Variants in PPFIA2 observed in about 807,000 individuals in gnomAD.
The protein encoded by PPFIA2 is liprin-alpha-2.
In PPFIA2, 46 loss-of-function variants were observed where a neutral mutation model predicts 175.5. That is an observed-to-expected ratio of 0.26 (90% CI 0.21 to 0.34). PPFIA2 has a LOEUF of 0.34. PPFIA2 is among the 10% of genes least tolerant of loss of function. PPFIA2 has a pLI of 1.00. For synonymous variants in PPFIA2, 568 were observed against 511.4 expected, an observed-to-expected ratio of 1.11 and a Z score of -1.49; for missense variants, 1,179 against 1,506.1, an observed-to-expected ratio of 0.78 and a Z score of 3.60.
chr12:81,611,908 G>A (rs118182876), intron 4 of PPFIA2, among the ~76,000 whole-genome samples: 14,333 of 152,104 alleles, frequency 0.094, 851 homozygotes, highest in South Asian at 0.16. Context: ...GGTCCATGGG[G>A]AGACTGAACC....
intron 3 of PPFIA2, among the ~76,000 whole-genome samples, chr12:81,692,305 C>G (rs2075349687): frequency 6.6e-6 from 1 of 152,058 alleles, no homozygotes; most frequent in Non-Finnish European, 1.5e-5. Flanking sequence ...GATGTCAGCC[C>G]TAGCTGATAC....
chr12:81,458,564 CA>C (rs2053988653), intron 4 of PPFIA2, among the ~76,000 whole-genome samples: 2 of 151,936 alleles, frequency 1.3e-5, no homozygotes, highest in African/African-American at 2.4e-5. Context: ...CATATTGTTA[CA>C]AAAAAATTGG....
intron 32 of PPFIA2, chr12:81,260,412 TTAAA>T (rs902286464): frequency 1.3e-5 from 2 of 152,186 alleles, no homozygotes; most frequent in Admixed American, 6.5e-5. Flanking sequence ...ATTGAACATA[TTAAA>T]TAGTCATTTG....
At chr12:81,349,973 A>G (rs1257316803) in intron 17 of PPFIA2, among the ~76,000 whole-genome samples, 1 of 152,194 alleles carries the variant, frequency 6.6e-6, no homozygotes, top group Non-Finnish European at 1.5e-5. Context: ...GGTTTGAATC[A>G]AGATGACTAT....
intron 7 of PPFIA2, among the ~76,000 whole-genome samples, chr12:81,422,706 A>G (rs2046488958): frequency 1.3e-5 from 2 of 152,032 alleles, no homozygotes; most frequent in East Asian, 1.9e-4. Context: ...ACCTACCCCC[A>G]TGATAAAATT....
At position 81,367,115 on chromosome 12, in the gene PPFIA2, T is replaced by C; in HGVS notation, c.1538A>G (p.His513Arg). The C allele has an allele frequency of 6.9e-7, 1 of 1,449,622 alleles. No individual in the cohort carries two copies. The highest frequency in any genetic ancestry group is 9.1e-7 in the Non-Finnish European group (1 of 1,094,472). The allele number at this position is 1,449,622 out of a possible 1,614,324, so 89.8% of individuals were successfully genotyped here. A position where few individuals can be genotyped will look rare whatever the true frequency, so the allele number is the denominator to read the frequency against. Residue 513 changes from histidine to arginine, a missense_variant, in exon 14 of 33, where the codon CAT becomes CGT. His to Arg is a conservative substitution (Grantham distance 29, BLOSUM62 0). Around this residue, in one of 10 missense-constraint regions of PPFIA2, gnomAD observed 186 missense variants for 163.6 expected, o/e 1.14. Coordinates refer to ENST00000549396, the MANE Select transcript of PPFIA2 (RefSeq NM_003625.5). ...TFRKNLEESL[H>R]DKERLAEEIE... is the part of the protein sequence containing the mutation. Reference sequence around the variant, plus strand: ...CATAAGTTTCCATTATACCTTATCATGTAAAGATTCTTCAAGATTCTTTCT... The same window carrying C: ...CATAAGTTTCCATTATACCTTATCACGTAAAGATTCTTCAAGATTCTTTCT...
chr12:81,282,987 C>A, intron 26 of PPFIA2, 23 bp downstream of exon 26: 1 of 1,601,948 alleles, frequency 6.2e-7, no homozygotes, highest in African/African-American at 1.3e-5. Flanking sequence ...TATTAAGGGT[C>A]TTAAAGCATA....
chr12:81,727,657 T>C (rs1247098131), intron 3 of PPFIA2, among the ~76,000 whole-genome samples: 1 of 151,356 alleles, frequency 6.6e-6, no homozygotes, highest in Admixed American at 6.6e-5. Context: ...TTTGAGAGGC[T>C]GTGGTTTATA....
intron 3 of PPFIA2, among the ~76,000 whole-genome samples, chr12:81,716,030 C>T (rs190120923): frequency 1.3e-5 from 2 of 151,430 alleles, no homozygotes; most frequent in Non-Finnish European, 3.0e-5. Context: ...AAATTAATAA[C>T]ATGTAATATT....
intron 4 of PPFIA2, among the ~76,000 whole-genome samples, chr12:81,590,839 C>T (rs932459596): frequency 6.6e-6 from 1 of 152,138 alleles, no homozygotes; most frequent in Non-Finnish European, 1.5e-5. Context: ...TTTTTCTTCC[C>T]AGTCTTGGGT....
At position 81,754,166 on chromosome 12, in the gene PPFIA2, C is replaced by G; in HGVS notation, c.56G>C (p.Gly19Ala). The stretch of plus-strand genomic sequence containing the variant: ...TGAGTCCGAGCCACTGCTTTGGGAC[C>G]CCCTTTGGCTCATTGGGGTGTCCTC... ...INEDTPMSQR[G>A]SQSSGSDSDS... Residue 19 changes from glycine to alanine, a missense_variant, in exon 3 of 33, where the codon GGG becomes GCG. Coordinates refer to ENST00000549396, the MANE Select transcript of PPFIA2 (RefSeq NM_003625.5). The G allele has an allele frequency of 6.2e-7, 1 of 1,612,150 alleles. No individual in the cohort carries two copies. The highest frequency in any genetic ancestry group is 8.5e-7 in the Non-Finnish European group (1 of 1,179,070).
chr12:81,355,557 G>A (rs775250251), intron 16 of PPFIA2, among the ~76,000 whole-genome samples: 5 of 152,130 alleles, frequency 3.3e-5, no homozygotes, highest in Non-Finnish European at 5.9e-5. Flanking sequence ...ATGGAAGGTG[G>A]TTTCATCTAC....
At chr12:81,487,826 G>C (rs1484217961) in intron 4 of PPFIA2, among the ~76,000 whole-genome samples, 3 of 151,800 alleles carry the variant, frequency 2.0e-5, no homozygotes, top group Non-Finnish European at 2.9e-5. Flanking sequence ...AAACTATATG[G>C]AAAGAATAAT....
At chr12:81,640,857 C>T (rs548500636) in intron 4 of PPFIA2, among the ~76,000 whole-genome samples, 2 of 152,028 alleles carry the variant, frequency 1.3e-5, no homozygotes, top group African/African-American at 2.4e-5. Flanking sequence ...AGCTAGCAAC[C>T]ATCATTTACA....
intron 21 of PPFIA2, among the ~76,000 whole-genome samples, chr12:81,330,434 ATAGTT>A (rs1400867206): frequency 6.6e-6 from 1 of 152,156 alleles, no homozygotes; most frequent in Non-Finnish European, 1.5e-5. Context: ...GAGTATACAC[ATAGTT>A]TATAGTTTAC....
intron 22 of PPFIA2, among the ~76,000 whole-genome samples, chr12:81,306,891 C>T (rs891994555): frequency 6.6e-6 from 1 of 152,084 alleles, no homozygotes; most frequent in African/African-American, 2.4e-5. Flanking sequence ...CCCCTTCAGT[C>T]TTTCCTCAAA....
At chr12:81,270,884 A>G (rs1183706877) in intron 28 of PPFIA2, 1 of 152,198 alleles carries the variant, frequency 6.6e-6, no homozygotes, top group Non-Finnish European at 1.5e-5. Flanking sequence ...TTTTAAATCT[A>G]CATATTAGAT....
intron 4 of PPFIA2, among the ~76,000 whole-genome samples, chr12:81,606,618 T>C (rs569790849): frequency 6.6e-6 from 1 of 152,270 alleles, no homozygotes; most frequent in South Asian, 2.1e-4. Context: ...ATGTCTTCCT[T>C]TGAAAAGTAT....
chr12:81,349,075 C>T (rs2059573318), intron 17 of PPFIA2, among the ~76,000 whole-genome samples: 1 of 152,026 alleles, frequency 6.6e-6, no homozygotes, highest in Non-Finnish European at 1.5e-5. Context: ...CTCTGGTGTA[C>T]GTTTACTATG....
Sources: allele counts gnomAD v4.1 joint callset (sites outside exome capture counted in the v4.1 genomes callset), GRCh38; gene constraint gnomAD v4.1.1; regional missense constraint gnomAD v4.1.1; transcripts MANE v1.5; gene names NCBI Gene and HGNC (gene_info 2026-07-23, HGNC 2026-07-21).